Variants in CSGALNACT1 observed in about 807,000 individuals in gnomAD.
CSGALNACT1 encodes chondroitin sulfate N-acetylgalactosaminyltransferase 1.
In CSGALNACT1, 52 loss-of-function variants were observed where a neutral mutation model predicts 51.0. That is an observed-to-expected ratio of 1.02 (90% CI 0.82 to 1.29). The LOEUF is 1.29. Ranked by LOEUF, CSGALNACT1 falls within the 50% of genes most tolerant of loss-of-function variation. The pLI, the probability that CSGALNACT1 is intolerant of heterozygous loss-of-function variation, is 0.00. For synonymous variants in CSGALNACT1, 341 were observed against 254.4 expected, an observed-to-expected ratio of 1.34 and a Z score of -3.24; for missense variants, 935 against 679.2, an observed-to-expected ratio of 1.38 and a Z score of -4.19.
chr8:19,547,588 A>C (rs2086776146), intron 3 of CSGALNACT1, among the ~76,000 whole-genome samples: 2 of 152,220 alleles, frequency 1.3e-5, no homozygotes, highest in South Asian at 4.1e-4. Flanking sequence ...TTTCACCATG[A>C]TTGTGAGGCC....
At chr8:19,754,150 C>A (rs1196437939) in intron 1 of CSGALNACT1, among the ~76,000 whole-genome samples, 4 of 152,138 alleles carry the variant, frequency 2.6e-5, no homozygotes, top group Non-Finnish European at 4.4e-5. Flanking sequence ...GCCTCAGCCT[C>A]CCGGGTAGCT....
At chr8:19,576,456 G>A (rs1263257373) in intron 3 of CSGALNACT1, among the ~76,000 whole-genome samples, 3 of 151,978 alleles carry the variant, frequency 2.0e-5, no homozygotes, top group African/African-American at 7.2e-5. Context: ...GCCTCTCAGA[G>A]TGCTAGGATT....
chr8:19,604,216 A>G (rs139555487), upstream of CSGALNACT1, among the ~76,000 whole-genome samples: 3 of 152,316 alleles, frequency 2.0e-5, no homozygotes, highest in East Asian at 5.8e-4. Context: ...GTGGAAGGGG[A>G]ATAGCATCTT....
At chr8:19,659,981 G>T (rs561842751) in intron 1 of CSGALNACT1, among the ~76,000 whole-genome samples, 2 of 152,312 alleles carry the variant, frequency 1.3e-5, no homozygotes, top group East Asian at 1.9e-4. Flanking sequence ...CTTTGTAGTA[G>T]TTCATTTACT....
chr8:19,720,924 A>G (rs903658405), intron 1 of CSGALNACT1, among the ~76,000 whole-genome samples: 2 of 152,220 alleles, frequency 1.3e-5, no homozygotes, highest in Non-Finnish European at 2.9e-5. Flanking sequence ...GGCCCTGTGC[A>G]GAGGCCCTGA....
chr8:19,634,725 A>G (rs2055783880), intron 1 of CSGALNACT1, among the ~76,000 whole-genome samples: 1 of 152,194 alleles, frequency 6.6e-6, no homozygotes, highest in African/African-American at 2.4e-5. Flanking sequence ...ATGGAGACAC[A>G]GAGAGAAGGC....
intron 2 of CSGALNACT1, among the ~76,000 whole-genome samples, chr8:19,594,915 TC>T (rs1394372662): frequency 2.0e-5 from 3 of 152,086 alleles, no homozygotes; most frequent in Non-Finnish European, 2.9e-5. Context: ...ATACCTACCC[TC>T]CAGGCTTGGC....
chr8:19,475,707 G>T (rs1563612883), intron 4 of CSGALNACT1, among the ~76,000 whole-genome samples: 1 of 152,162 alleles, frequency 6.6e-6, no homozygotes, highest in Non-Finnish European at 1.5e-5. Flanking sequence ...CAACCCAACA[G>T]GAACATCCTT....
At chr8:19,528,555 T>C (rs895367512) in intron 3 of CSGALNACT1, among the ~76,000 whole-genome samples, 1 of 151,744 alleles carries the variant, frequency 6.6e-6, no homozygotes, top group Admixed American at 6.6e-5. Flanking sequence ...TAGACCCCCA[T>C]AGTAAGATTT....
intron 1 of CSGALNACT1, among the ~76,000 whole-genome samples, chr8:19,676,312 T>C (rs77166167): frequency 0.13 from 19,695 of 152,150 alleles, 1,512 homozygotes; most frequent in East Asian, 0.36. Flanking sequence ...TTTAGCTATG[T>C]TCCATAAGGC....
At chr8:19,578,125 G>A (rs569167662) in intron 3 of CSGALNACT1, among the ~76,000 whole-genome samples, 12 of 152,272 alleles carry the variant, frequency 7.9e-5, no homozygotes, top group South Asian at 2.1e-4. Context: ...ACCGCAGGTC[G>A]TCCCTGAGGC....
At chr8:19,723,007 G>T (rs977403502) in intron 1 of CSGALNACT1, among the ~76,000 whole-genome samples, 2 of 152,212 alleles carry the variant, frequency 1.3e-5, no homozygotes, top group Admixed American at 6.5e-5. Flanking sequence ...ACAAAGATTA[G>T]ATAAGTGATT....
chr8:19,408,971 C>A (rs1297292264), intron 8 of CSGALNACT1, among the ~76,000 whole-genome samples: 3 of 151,898 alleles, frequency 2.0e-5, no homozygotes, highest in African/African-American at 7.3e-5. Context: ...CACACACACA[C>A]ACACACAATC....
chr8:19,458,021 C>T lies in CSGALNACT1; in HGVS notation c.851+405G>A, dbSNP rs143894640. ...CCAATCAAGAACACCTTGCATAGCT[C>T]GCCAACTGTCAACGTGGGCTCTGCC... On this transcript the variant is annotated intron_variant, in intron 5 of 9. Transcript: ENST00000454498. 4.3e-3 allele frequency among the ~76,000 whole-genome samples: 653 copies of T among 152,310 alleles called. 8 individuals are homozygous for T. Among genetic ancestry groups the T allele is most frequent in the African/African-American group, 0.015 (626 of 41,572 alleles).
At chr8:19,534,154 A>G (rs10101192) in intron 3 of CSGALNACT1, among the ~76,000 whole-genome samples, 16,891 of 152,230 alleles carry the variant, frequency 0.11, 1,101 homozygotes, top group African/African-American at 0.18. Flanking sequence ...TCAATGTAAT[A>G]TTAAGTTGCA....
At chr8:19,592,550 G>C (rs140407474) in intron 2 of CSGALNACT1, among the ~76,000 whole-genome samples, 106 of 152,282 alleles carry the variant, frequency 7.0e-4, no homozygotes, top group African/African-American at 2.4e-3. Context: ...CCAGGAGTTT[G>C]AGACCAGCGT....
At chr8:19,612,350 A>T (rs1043355117) in intron 1 of CSGALNACT1, among the ~76,000 whole-genome samples, 9 of 152,052 alleles carry the variant, frequency 5.9e-5, no homozygotes, top group African/African-American at 2.2e-4. Flanking sequence ...CTCAAAAAAA[A>T]AAACTAATTG....
chr8:19,459,258 C>T (rs2064825804), intron 4 of CSGALNACT1, among the ~76,000 whole-genome samples: 1 of 151,786 alleles, frequency 6.6e-6, no homozygotes, highest in African/African-American at 2.4e-5. Context: ...TGTTGTGCGC[C>T]TGTAACCCTG....
intron 5 of CSGALNACT1, 51 bp downstream of exon 4, chr8:19,458,375 G>A (rs111341392): frequency 2.2e-5 from 31 of 1,398,066 alleles, no homozygotes; most frequent in Non-Finnish European, 3.1e-5. Flanking sequence ...TGATATCAGT[G>A]TTCTAACACA....
Sources: allele counts gnomAD v4.1 joint callset (sites outside exome capture counted in the v4.1 genomes callset), GRCh38; gene constraint gnomAD v4.1.1; transcripts MANE v1.5; gene names NCBI Gene and HGNC (gene_info 2026-07-23, HGNC 2026-07-21).